UBR1: variants seen among roughly 807,000 people sequenced by gnomAD.
UBR1 encodes the protein E3 ubiquitin-protein ligase UBR1.
In UBR1, 102 loss-of-function variants were observed where a neutral mutation model predicts 242.1. The observed-to-expected ratio is 0.42, with a 90% CI of 0.36 to 0.50. The LOEUF (loss-of-function observed/expected upper bound fraction) is 0.50. Ranked by LOEUF, UBR1 falls within the 20% of genes least tolerant of loss-of-function variation. The pLI is 0.01. For synonymous variants in UBR1, 675 were observed against 684.8 expected, an observed-to-expected ratio of 0.99 and a Z score of 0.22; for missense variants, 1,772 against 2,101.8, an observed-to-expected ratio of 0.84 and a Z score of 3.07.
intron 9 of UBR1, among the ~76,000 whole-genome samples, chr15:43,058,662 T>A (rs998141120): frequency 1.3e-5 from 2 of 152,230 alleles, no homozygotes; most frequent in Non-Finnish European, 2.9e-5. Context: ...CACTTCAATT[T>A]ACTCTCTCCC....
intron 1 of UBR1, among the ~76,000 whole-genome samples, chr15:43,089,560 T>C (rs911718277): frequency 1.3e-5 from 2 of 152,078 alleles, no homozygotes; most frequent in African/African-American, 4.8e-5. Flanking sequence ...GTATCTCCAA[T>C]GGGAAAGACA....
At chr15:43,020,295 C>G (rs1252738283) in intron 27 of UBR1, among the ~76,000 whole-genome samples, 1 of 152,150 alleles carries the variant, frequency 6.6e-6, no homozygotes, top group Non-Finnish European at 1.5e-5. Context: ...CCTGCCTTGG[C>G]CTCCCAAAGT....
At chr15:43,075,684 T>C (rs1462449308) in intron 3 of UBR1, among the ~76,000 whole-genome samples, 3 of 151,482 alleles carry the variant, frequency 2.0e-5, no homozygotes, top group East Asian at 1.9e-4. Context: ...GGCGTGATCT[T>C]GGCTCACCGC....
chr15:43,076,698 C>A (rs2033902271), intron 3 of UBR1, among the ~76,000 whole-genome samples: 1 of 145,984 alleles, frequency 6.9e-6, no homozygotes, highest in African/African-American at 2.5e-5. Context: ...TGAGGAGCCC[C>A]TCCGTCCGGC....
chr15:42,987,013 C>A lies in UBR1; in HGVS notation c.3997+1806G>T, dbSNP rs534051214. Among the ~76,000 whole-genome samples the A allele has an allele frequency of 2.0e-5, 3 of 152,352 alleles. No individual in the cohort carries two copies. The South Asian group carries it at 6.2e-4, about 32-fold the overall frequency. On this transcript the variant is annotated intron_variant, in intron 35 of 46. Transcript: ENST00000290650. ...CCCCTGGGTATCCTTGGAAGGCACACGGTGGAGTGGTGACTCCAGCTCCTG... is the reference window on the plus strand; with the variant it reads ...CCCCTGGGTATCCTTGGAAGGCACAAGGTGGAGTGGTGACTCCAGCTCCTG...
chr15:43,007,234 C>A lies in UBR1; in HGVS notation c.3260G>T (p.Gly1087Val). The part of the protein sequence containing the change: ...YSRIALGPKR[G>V]PSVTEKEVLT... ...CACCTCCTTTTCAGTAACAGATGGA[C>A]CCCGTTTAGGACCCAAAGCAATTCT... is the stretch of plus-strand genomic sequence containing the variant. The change falls in exon 30 of 47, where the codon GGT becomes GTT. Residue 1087 changes from glycine (G) to valine (V), a missense_variant. Physicochemically the swap from Gly to Val is moderately radical, Grantham distance 109 (BLOSUM62 -3). This residue lies in a region of UBR1 where 965 missense variants were observed against 1,079.7 expected (regional missense o/e 0.89). Transcript: ENST00000290650. 6.2e-7 allele frequency: 1 copy of A among 1,614,120 alleles called. No individual in the cohort carries two copies. The highest frequency in any genetic ancestry group is 8.5e-7 in the Non-Finnish European group (1 of 1,180,028).
chr15:43,022,914 G>T (rs2033128699), intron 25 of UBR1, 113 bp from the exon 26 acceptor site: 2 of 625,638 alleles, frequency 3.2e-6, no homozygotes, highest in African/African-American at 3.7e-5. Context: ...CCAGGTTGGA[G>T]TGCAGTGGGG....
chr15:42,953,097 C>A (rs990677038), intron 44 of UBR1, among the ~76,000 whole-genome samples: 3 of 152,024 alleles, frequency 2.0e-5, no homozygotes, highest in Admixed American at 6.6e-5. Context: ...GTTGGCCCAG[C>A]CTTCCATCTG....
In UBR1 at chr15:42,951,515, G is replaced by A. The variant is rs1420362213; in HGVS notation, c.5006+763C>T. Among the ~76,000 whole-genome samples the A allele has an allele frequency of 2.6e-5, 4 of 152,184 alleles. 1 individual carries two copies. The highest frequency in any genetic ancestry group is 4.1e-4 in the South Asian group (2 of 4,824). On this transcript the variant is annotated intron_variant, in intron 45 of 46. Coordinates refer to ENST00000290650, the MANE Select transcript of UBR1 (RefSeq NM_174916.3). ...TGGGATTAAAGGCGAGAGCCACCGC[G>A]CCCGGCCATAAGTGACTATTTTTCT...
chr15:43,066,243 T>C (rs947546584), intron 6 of UBR1, among the ~76,000 whole-genome samples: 1 of 152,204 alleles, frequency 6.6e-6, no homozygotes, highest in African/African-American at 2.4e-5. Flanking sequence ...CCATTGCTTG[T>C]TTTTGTCATG....
At chr15:43,083,871 C>T (rs1254665371) in intron 2 of UBR1, among the ~76,000 whole-genome samples, 3 of 151,552 alleles carry the variant, frequency 2.0e-5, no homozygotes, top group South Asian at 2.1e-4. Context: ...GGAGAAACCC[C>T]GTCTCTACTA....
At chr15:43,010,160 C>T (rs757163890) in intron 29 of UBR1, among the ~76,000 whole-genome samples, 17 of 152,224 alleles carry the variant, frequency 1.1e-4, no homozygotes, top group Middle Eastern at 3.2e-3. Flanking sequence ...GCGTAAGCCA[C>T]TGCGCCCGCC....
At position 43,098,207 on chromosome 15, in the gene UBR1, C is replaced by CT. The variant is rs761737037; in HGVS notation, c.81+7734dup. Among the ~76,000 whole-genome samples the CT allele has an allele frequency of 5.3e-5, 8 of 152,220 alleles. No homozygotes were observed. In the South Asian group the frequency reaches 1.2e-3, roughly 24 times the overall value. On this transcript the variant is annotated intron_variant, in intron 1 of 46. Transcript: ENST00000290650. Reference sequence around the variant, plus strand: ...AGTGGGGCAGTCAGAACAAACACAGCTTTTTTTATTATGTTTGCTGTCTTT... The same window carrying CT: ...AGTGGGGCAGTCAGAACAAACACAGCTTTTTTTTATTATGTTTGCTGTCTTT...
rs532031095 is a variant in UBR1 at position 43,072,412 on chromosome 15, A to G, written c.529-1487T>C. Among the ~76,000 whole-genome samples the G allele has an allele frequency of 3.3e-5, 5 of 152,352 alleles. No individual in the cohort carries two copies. In the South Asian group the frequency reaches 1.0e-3, roughly 32 times the overall value. On this transcript the variant is annotated intron_variant, in intron 4 of 46. Coordinates refer to ENST00000290650, the MANE Select transcript of UBR1 (RefSeq NM_174916.3). ...GTGTATTTTATGGCCGAAGATGTGT[A>G]TATTTTATGGTTGTAACTGATAAAA...
intron 42 of UBR1, among the ~76,000 whole-genome samples, chr15:42,961,081 T>C (rs2032008349): frequency 6.6e-6 from 1 of 151,386 alleles, no homozygotes. Context: ...TTCAATTCTT[T>C]CTGTCCCTTC....
intron 29 of UBR1, among the ~76,000 whole-genome samples, chr15:43,012,473 G>A (rs1474073783): frequency 6.6e-6 from 1 of 152,128 alleles, no homozygotes; most frequent in Non-Finnish European, 1.5e-5. Context: ...TGCAGAGATG[G>A]TCAAAGGGGG....
chr15:42,989,018 G>A (rs764659057), intron 34 of UBR1, 51 bp from the exon 35 acceptor site: 1 of 1,481,026 alleles, frequency 6.8e-7, no homozygotes, highest in South Asian at 1.1e-5. Flanking sequence ...GAGCTACTTA[G>A]TAAGAAGTCC....
At chr15:42,957,280 A>G (rs957384449) in intron 44 of UBR1, among the ~76,000 whole-genome samples, 7 of 152,348 alleles carry the variant, frequency 4.6e-5, no homozygotes, top group African/African-American at 1.7e-4. Context: ...AAAAGGTCAT[A>G]TATTGTATCA....
At position 43,021,362 on chromosome 15, in the gene UBR1, T is replaced by C. The variant is rs771285735; in HGVS notation, c.2853A>G (p.Ser951=). Residue 951 remains serine (S), a synonymous_variant, in exon 27 of 47, where the codon TCA becomes TCG. Transcript: ENST00000290650. ...FYHKASRLGS[S]AMNIQMLLEK... is the part of the protein sequence containing the mutation. The stretch of plus-strand genomic sequence containing the variant: ...CCAAAAGCATTTGTATATTCATGGC[T>C]GAACTTCCCAATCCTTTTTTAAAAC... The C allele has an allele frequency of 3.7e-6, 6 of 1,613,654 alleles. No individual in the cohort carries two copies. Among genetic ancestry groups the C allele is most frequent in the Middle Eastern group, 1.7e-4 (1 of 6,058 alleles).
Sources: gnomAD v4.1 joint callset for allele counts (sites outside exome capture counted in the v4.1 genomes callset) on GRCh38, gnomAD v4.1.1 for gene constraint, gnomAD v4.1.1 regional missense constraint, MANE v1.5 for transcripts, NCBI Gene and HGNC (gene_info 2026-07-23, HGNC 2026-07-21) for gene names.